The following ANKRD44 variants were observed in gnomAD, a reference collection of about 807,000 sequenced individuals.
The protein encoded by ANKRD44 is ankyrin repeat domain 44.
In ANKRD44, 35 loss-of-function variants were observed where a neutral mutation model predicts 116.0. That is an observed-to-expected ratio of 0.30 (90% CI 0.23 to 0.40). The LOEUF is 0.40. Ranked by LOEUF, ANKRD44 falls within the 10% of genes least tolerant of loss-of-function variation. The probability of loss-of-function intolerance (pLI) is 1.00; values close to 1 mark genes in which losing one functional copy is unlikely to be tolerated. For missense variants in ANKRD44, 1,014 were observed against 1,242.6 expected, an observed-to-expected ratio of 0.82 and a Z score of 2.77; for synonymous variants, 435 against 461.8, an observed-to-expected ratio of 0.94 and a Z score of 0.74.
At chr2:197,103,410 G>A (rs1033286638) in intron 9 of ANKRD44, among the ~76,000 whole-genome samples, 3 of 151,972 alleles carry the variant, frequency 2.0e-5, no homozygotes, top group African/African-American at 7.3e-5. Context: ...TCTTGGTGGT[G>A]TGTTTGTTGA....
chr2:197,199,556 T>A lies in ANKRD44; in HGVS notation c.28-12450A>T, dbSNP rs559354278. Among the ~76,000 whole-genome samples the A allele has an allele frequency of 2.6e-5, 4 of 152,328 alleles. No homozygotes were observed. The South Asian group carries it at 8.3e-4, about 32-fold the overall frequency. Reference sequence around the variant, plus strand: ...TTGTTGGTAGGTACAGATACAGATATATGAGATTATCGTTATTTATTATCA... The same window carrying A: ...TTGTTGGTAGGTACAGATACAGATAAATGAGATTATCGTTATTTATTATCA... On this transcript the variant is annotated intron_variant, in intron 1 of 27. Coordinates refer to ENST00000282272, the MANE Select transcript of ANKRD44 (RefSeq NM_001195144.2).
In ANKRD44 at chr2:197,089,942, T is replaced by C; in HGVS notation, c.1183+8A>G. On this transcript the variant is annotated splice_region_variant and intron_variant, in intron 11 of 27. Coordinates refer to ENST00000282272, the MANE Select transcript of ANKRD44 (RefSeq NM_001195144.2). ...TTAAGCCTCATCTCTGCTAACAGAT[T>C]TACTTACCCGATGATAACAACTTTC... 1 of 1,612,840 alleles carries C rather than the reference T, an allele frequency of 6.2e-7. No homozygotes were observed.
At chr2:197,106,431 C>T (rs1029719120) in intron 9 of ANKRD44, among the ~76,000 whole-genome samples, 21 of 151,684 alleles carry the variant, frequency 1.4e-4, no homozygotes, top group African/African-American at 2.7e-4. Context: ...GGCTACACAG[C>T]GAGATTTCAT....
At chr2:197,096,945 T>A (rs1032709534) in intron 10 of ANKRD44, among the ~76,000 whole-genome samples, 2 of 151,892 alleles carry the variant, frequency 1.3e-5, no homozygotes, top group Non-Finnish European at 2.9e-5. Flanking sequence ...GAAGGTAGCA[T>A]GTCGCATCCC....
intron 16 of ANKRD44, among the ~76,000 whole-genome samples, chr2:197,049,380 G>C (rs534501195): frequency 6.6e-6 from 1 of 152,232 alleles, no homozygotes; most frequent in East Asian, 1.9e-4. Context: ...GTGTGCAAAG[G>C]ATTTTTCCAT....
At chr2:197,265,260 G>C (rs1416855571) in intron 1 of ANKRD44, among the ~76,000 whole-genome samples, 1 of 149,508 alleles carries the variant, frequency 6.7e-6, no homozygotes, top group Non-Finnish European at 1.5e-5. Flanking sequence ...TGGGGAGGGG[G>C]TGGGGAGACA....
intron 1 of ANKRD44, among the ~76,000 whole-genome samples, chr2:197,268,864 T>A (rs1434274230): frequency 6.6e-6 from 1 of 152,226 alleles, no homozygotes; most frequent in East Asian, 1.9e-4. Context: ...GGAAATCATG[T>A]TTTAAAATGT....
intron 2 of ANKRD44, among the ~76,000 whole-genome samples, chr2:197,167,275 C>A (rs969112533): frequency 3.3e-5 from 5 of 152,004 alleles, no homozygotes; most frequent in African/African-American, 4.8e-5. Context: ...TCATAAACTT[C>A]ATATACATGC....
intron 1 of ANKRD44, among the ~76,000 whole-genome samples, chr2:197,248,323 C>T (rs935624270): frequency 3.3e-5 from 5 of 152,074 alleles, no homozygotes; most frequent in African/African-American, 4.8e-5. Context: ...GCAAGACGGA[C>T]TTCTCCAGCA....
intron 2 of ANKRD44, among the ~76,000 whole-genome samples, chr2:197,158,810 T>TCCAC (rs1312351137): frequency 6.6e-6 from 1 of 152,090 alleles, no homozygotes; most frequent in African/African-American, 2.4e-5. Flanking sequence ...TTACTGGGGA[T>TCCAC]CCACCATACG....
rs535198673 is a variant in ANKRD44 at position 197,264,982 on chromosome 2, A to G, written c.27+45596T>C. On this transcript the variant is annotated intron_variant, in intron 1 of 27. Coordinates refer to ENST00000282272, the MANE Select transcript of ANKRD44 (RefSeq NM_001195144.2). The stretch of plus-strand genomic sequence containing the variant: ...TTGCCATTTACAAAATAAAAACGAT[A>G]GTTGGCTCAATGACAAGGACAGTAA... 5.9e-5 allele frequency among the ~76,000 whole-genome samples: 9 copies of G among 152,302 alleles called. No individual in the cohort carries two copies. The East Asian group carries it at 1.2e-3, about 20-fold the overall frequency.
chr2:197,140,021 A>G (rs1043688231), intron 3 of ANKRD44, among the ~76,000 whole-genome samples: 1 of 151,182 alleles, frequency 6.6e-6, no homozygotes, highest in Non-Finnish European at 1.5e-5. Flanking sequence ...CTGGGATTAC[A>G]GGTACCTGCC....
chr2:197,089,802 A>T lies in ANKRD44; in HGVS notation c.1183+148T>A, dbSNP rs1481983656. ...ACCAAGGATTGTTGGGAGCTGTCAC[A>T]TGCAGTTAGCTGAGAAATACAACTC... is the stretch of plus-strand genomic sequence containing the variant. On this transcript the variant is annotated intron_variant, in intron 11 of 27. Transcript: ENST00000282272. 5.0e-6 allele frequency: 3 copies of T among 602,442 alleles called. No individual in the cohort carries two copies. The African/African-American group carries it at 5.6e-5, about 11-fold the overall frequency. The allele number at this position is 602,442 out of a possible 1,614,324, so 37.3% of individuals were successfully genotyped here.
chr2:197,274,748 T>C (rs2083023845), intron 1 of ANKRD44, among the ~76,000 whole-genome samples: 1 of 152,100 alleles, frequency 6.6e-6, no homozygotes, highest in African/African-American at 2.4e-5. Context: ...TTAAGTACTT[T>C]AGGGTTTCTT....
Position 197,023,572 on chromosome 2 carries a change from GA to G in ANKRD44, c.1722+1623del, listed in dbSNP as rs879267427. On this transcript the variant is annotated intron_variant, in intron 17 of 27. Transcript: ENST00000282272. The stretch of plus-strand genomic sequence containing the variant: ...ATAAGCATTCAACAAATACACTGTG[GA>G]AAAAAAAAAGAAGAACGAGAGATGA... 5.7e-3 allele frequency among the ~76,000 whole-genome samples: 849 copies of G among 147,858 alleles called. 34 individuals carry two copies. Among genetic ancestry groups the G allele is most frequent in the Admixed American group, 0.052 (777 of 14,926 alleles).
rs1442857672 is a variant in ANKRD44 at position 196,988,803 on chromosome 2, A to T, written c.*788T>A. On this transcript the variant is annotated 3_prime_UTR_variant, in exon 28 of 28. Coordinates refer to ENST00000282272, the MANE Select transcript of ANKRD44 (RefSeq NM_001195144.2). Reference sequence around the variant, plus strand: ...TGATTTTTATTTCTCCTTTTGGCACATGTGCCCACACACTGCCATCATTTC... The same window carrying T: ...TGATTTTTATTTCTCCTTTTGGCACTTGTGCCCACACACTGCCATCATTTC... 1.0e-5 allele frequency: 10 copies of T among 985,332 alleles called. No individual in the cohort carries two copies. In the East Asian group the frequency reaches 1.0e-3, roughly 100 times the overall value. The allele number at this position is 985,332 out of a possible 1,614,324, so 61.0% of individuals were successfully genotyped here. A position where few individuals can be genotyped will look rare whatever the true frequency, so the allele number is the denominator to read the frequency against.
At chr2:197,157,675 CAA>C (rs35588359) in intron 2 of ANKRD44, among the ~76,000 whole-genome samples, 6 of 83,080 alleles carry the variant, frequency 7.2e-5, no homozygotes, top group African/African-American at 2.2e-4. Context: ...GAGACTCTGT[CAA>C]AAAAAAAAAA....
At chr2:197,263,955 A>AG (rs920337751) in intron 1 of ANKRD44, among the ~76,000 whole-genome samples, 10 of 47,326 alleles carry the variant, frequency 2.1e-4, no homozygotes, top group Non-Finnish European at 4.5e-4. Flanking sequence ...TCATGTTCTT[A>AG]AAAGAAAGGA....
chr2:197,184,856 G>A (rs931754371), intron 2 of ANKRD44, among the ~76,000 whole-genome samples: 4 of 152,104 alleles, frequency 2.6e-5, no homozygotes, highest in African/African-American at 9.7e-5. Flanking sequence ...GGGTCTATGT[G>A]TAACAGTAGT....
Sources: gnomAD v4.1 joint callset for allele counts (sites outside exome capture counted in the v4.1 genomes callset) on GRCh38, gnomAD v4.1.1 for gene constraint, MANE v1.5 for transcripts, NCBI Gene and HGNC (gene_info 2026-07-23, HGNC 2026-07-21) for gene names.